Variants in WDFY3 observed in about 807,000 individuals in gnomAD.
The protein encoded by WDFY3 is WD repeat and FYVE domain containing 3, also known as WD repeat and FYVE domain-containing protein 3.
A neutral mutation model predicts 409.6 loss-of-function variants in WDFY3; 66 were observed. The ratio of observed to expected loss-of-function variants is 0.16; its 90% CI spans 0.13 to 0.20. WDFY3 has a LOEUF of 0.20. Ranked by LOEUF, WDFY3 falls within the 10% of genes least tolerant of loss-of-function variation. The pLI is 1.00. For missense variants in WDFY3, 3,031 were observed against 4,298.1 expected (o/e 0.71, Z 8.24); for synonymous variants, 1,521 against 1,537.1 (o/e 0.99, Z 0.25).
intron 7 of WDFY3, among the ~76,000 whole-genome samples, chr4:84,836,719 G>C (rs1254559142): frequency 6.6e-6 from 1 of 152,044 alleles, no homozygotes; most frequent in African/African-American, 2.4e-5. Flanking sequence ...AAACAAACTT[G>C]CTAATGCCTC....
rs931347180 is a variant in WDFY3 at position 84,795,202 on chromosome 4, T to TA, written c.3168-224dup. 3.0e-3 allele frequency among the ~76,000 whole-genome samples: 446 copies of TA among 150,792 alleles called. 2 individuals carry two copies. The highest frequency in any genetic ancestry group is 0.01 in the African/African-American group (417 of 41,146). ...CCAAAATAACATTTTTAACTTAAAA[T>TA]AAAAAAAAATGAAGATACAAAATGC... is the stretch of plus-strand genomic sequence containing the variant. On this transcript the variant is annotated intron_variant, in intron 19 of 67. Coordinates refer to ENST00000295888, the MANE Select transcript of WDFY3 (RefSeq NM_014991.6).
chr4:84,713,960 T>C lies in WDFY3; in HGVS notation c.7962-721A>G, dbSNP rs573618159. 3.9e-5 allele frequency among the ~76,000 whole-genome samples: 6 copies of C among 152,024 alleles called. No homozygotes were observed. The South Asian group carries it at 1.2e-3, about 32-fold the overall frequency. ...GGTGAAACTCCATCTCTACTAAAAATACAAAAATTAGCTGGGTGTGGTGGT... is the reference window on the plus strand; with the variant it reads ...GGTGAAACTCCATCTCTACTAAAAACACAAAAATTAGCTGGGTGTGGTGGT... On this transcript the variant is annotated intron_variant, in intron 50 of 67. Transcript: ENST00000295888.
chr4:84,956,759 T>A (rs1031000576), intron 1 of WDFY3, among the ~76,000 whole-genome samples: 3 of 152,144 alleles, frequency 2.0e-5, no homozygotes, highest in Non-Finnish European at 4.4e-5. Context: ...GGCTTCAGTT[T>A]TTTTAAGGCT....
At chr4:84,791,722 C>T (rs770348810) in intron 21 of WDFY3, among the ~76,000 whole-genome samples, 8 of 152,092 alleles carry the variant, frequency 5.3e-5, no homozygotes, top group Non-Finnish European at 8.8e-5. Flanking sequence ...TGATTTACAG[C>T]ACAGACTAGT....
In WDFY3 at chr4:84,778,491, T is replaced by C; in HGVS notation, c.4518+12A>G. On this transcript the variant is annotated intron_variant, in intron 27 of 67. Transcript: ENST00000295888. ...ATTGATTATATATTATCAATTATGC[T>C]TATATACATACTTCAAAATCACAGA... is the stretch of plus-strand genomic sequence containing the variant. 6.3e-7 allele frequency: 1 copy of C among 1,583,328 alleles called. No individual in the cohort carries two copies. The highest frequency in any genetic ancestry group is 8.6e-7 in the Non-Finnish European group (1 of 1,169,002).
At chr4:84,827,075 A>C in intron 9 of WDFY3, 94 bp from the exon 10 acceptor site, 2 of 1,345,804 alleles carry the variant, frequency 1.5e-6, no homozygotes, top group Non-Finnish European at 2.0e-6. Context: ...TGCAGTAAAT[A>C]AATGTATAAA....
intron 1 of WDFY3, among the ~76,000 whole-genome samples, chr4:84,932,590 T>C (rs781291154): frequency 6.6e-6 from 1 of 152,190 alleles, no homozygotes; most frequent in Non-Finnish European, 1.5e-5. Flanking sequence ...CACTTCTTCA[T>C]TTTACTGATA....
chr4:84,753,398 G>C (rs548546781), intron 35 of WDFY3, among the ~76,000 whole-genome samples: 2 of 152,102 alleles, frequency 1.3e-5, no homozygotes, highest in African/African-American at 2.4e-5. Flanking sequence ...AGCTGGCATC[G>C]CGTAAAATAA....
intron 36 of WDFY3, among the ~76,000 whole-genome samples, chr4:84,747,733 T>C (rs1206850887): frequency 6.6e-6 from 1 of 152,032 alleles, no homozygotes; most frequent in African/African-American, 2.4e-5. Context: ...ATAAGGGGGT[T>C]TTCCCCTACT....
chr4:84,689,860 T>C (rs1417058117), intron 61 of WDFY3, among the ~76,000 whole-genome samples: 6 of 152,228 alleles, frequency 3.9e-5, no homozygotes, highest in African/African-American at 1.4e-4. Context: ...TGTTACATTA[T>C]TTTTCAAATT....
intron 3 of WDFY3, among the ~76,000 whole-genome samples, chr4:84,872,919 A>C (rs2150328203): frequency 6.6e-6 from 1 of 152,336 alleles, no homozygotes; most frequent in South Asian, 2.1e-4. Flanking sequence ...CTTTCGGATA[A>C]GAAAATAGTA....
At chr4:84,700,000 A>G (rs1730821619) in intron 56 of WDFY3, among the ~76,000 whole-genome samples, 1 of 151,052 alleles carries the variant, frequency 6.6e-6, no homozygotes, top group Admixed American at 6.6e-5. Context: ...CTTCCATTCT[A>G]TAGGCATCTT....
chr4:84,863,593 T>C (rs1196601563), intron 3 of WDFY3, among the ~76,000 whole-genome samples: 1 of 152,222 alleles, frequency 6.6e-6, no homozygotes, highest in Admixed American at 6.5e-5. Context: ...ATGAGTTGCA[T>C]GAGTCCCTTA....
Position 84,753,765 on chromosome 4 carries a change from T to A in WDFY3, c.5671A>T (p.Ser1891Cys). Reference sequence around the variant, plus strand: ...GCTAATGCACACAGGAAGTCAGGGCTCATCCACATGGAGGCAAGGTCTGGC... The same window carrying A: ...GCTAATGCACACAGGAAGTCAGGGCACATCCACATGGAGGCAAGGTCTGGC... ...NVPDLASMWM[S>C]PDFLCALAAT... The change falls in exon 35 of 68, where the codon AGC (serine) becomes TGC (cysteine). Residue 1891 changes from serine to cysteine, a missense_variant. Physicochemically the swap from Ser to Cys is moderately radical, Grantham distance 112. Coordinates refer to ENST00000295888, the MANE Select transcript of WDFY3 (RefSeq NM_014991.6). 6.2e-7 allele frequency: 1 copy of A among 1,612,796 alleles called. No homozygotes were observed. The highest frequency in any genetic ancestry group is 8.5e-7 in the Non-Finnish European group (1 of 1,179,490).
At chr4:84,677,533 CAG>C (rs1178355069) in intron 66 of WDFY3, 137 bp from the exon 67 acceptor site, 1 of 726,510 alleles carries the variant, frequency 1.4e-6, no homozygotes, top group East Asian at 2.9e-5. Context: ...TTGATTCACT[CAG>C]AGATGTATGT....
intron 1 of WDFY3, among the ~76,000 whole-genome samples, chr4:84,933,773 C>T (rs1579190021): frequency 1.3e-5 from 2 of 152,102 alleles, no homozygotes; most frequent in East Asian, 3.8e-4. Flanking sequence ...TGAAGACATG[C>T]AAAGTTTGTC....
At chr4:84,887,270 G>C (rs1764364451) in intron 3 of WDFY3, among the ~76,000 whole-genome samples, 1 of 152,176 alleles carries the variant, frequency 6.6e-6, no homozygotes, top group Admixed American at 6.5e-5. Flanking sequence ...GGGAGGTGGG[G>C]CTGTGGGGAA....
chr4:84,787,785 G>A, intron 22 of WDFY3, 72 bp from the exon 23 acceptor site: 3 of 1,303,604 alleles, frequency 2.3e-6, no homozygotes, highest in Non-Finnish European at 3.2e-6. Flanking sequence ...TTCAGCATAT[G>A]TATTTTCATT....
At chr4:84,821,838 C>T (rs1037339133) in intron 10 of WDFY3, among the ~76,000 whole-genome samples, 6 of 152,102 alleles carry the variant, frequency 3.9e-5, no homozygotes, top group African/African-American at 1.2e-4. Flanking sequence ...TTATTATAAA[C>T]ATCCATGCTT....
Sources: allele counts gnomAD v4.1 joint callset (sites outside exome capture counted in the v4.1 genomes callset), GRCh38; gene constraint gnomAD v4.1.1; transcripts MANE v1.5; gene names NCBI Gene and HGNC (gene_info 2026-07-23, HGNC 2026-07-21).